Variants in NDE1 observed in about 807,000 individuals in gnomAD.
NDE1 encodes nuclear distribution protein nudE homolog 1.
In NDE1, 28 loss-of-function variants were observed where a neutral mutation model predicts 43.4. The observed-to-expected ratio is 0.65, with a 90% CI of 0.48 to 0.89. The LOEUF is 0.89. Among genes scored for constraint, NDE1 ranks in the 40% least tolerant of loss-of-function variants. The probability of loss-of-function intolerance (pLI) is 0.00; values close to 1 mark genes in which losing one functional copy is unlikely to be tolerated. For synonymous variants in NDE1, 184 were observed against 172.0 expected (o/e 1.07, Z -0.55); for missense variants, 441 against 434.1 (o/e 1.02, Z -0.14).
At chr16:15,658,150 G>A (rs2036862864) in intron 1 of NDE1, among the ~76,000 whole-genome samples, 1 of 152,164 alleles carries the variant, frequency 6.6e-6, no homozygotes, top group Admixed American at 6.6e-5. Flanking sequence ...CCTTGTGATA[G>A]CAAGATGACC....
At chr16:15,700,557 T>C (rs1338140651) in intron 8 of NDE1, 2 of 152,012 alleles carry the variant, frequency 1.3e-5, no homozygotes, top group Non-Finnish European at 2.9e-5. Flanking sequence ...GTTCAAGCGA[T>C]TCTCTTATCT....
At chr16:15,681,952 A>G (rs1308951878) in intron 4 of NDE1, among the ~76,000 whole-genome samples, 1 of 152,074 alleles carries the variant, frequency 6.6e-6, no homozygotes, top group Non-Finnish European at 1.5e-5. Flanking sequence ...TTGTAGTCAG[A>G]TTTCTTAGTC....
intron 8 of NDE1, among the ~76,000 whole-genome samples, chr16:15,705,341 TC>T (rs904088074): frequency 2.0e-5 from 3 of 152,102 alleles, no homozygotes; most frequent in Admixed American, 6.6e-5. Flanking sequence ...AATGCTGCCA[TC>T]TCCTCTCTGC....
At chr16:15,679,687 A>G (rs550540738) in intron 4 of NDE1, among the ~76,000 whole-genome samples, 1 of 152,250 alleles carries the variant, frequency 6.6e-6, no homozygotes, top group Admixed American at 6.6e-5. Context: ...CATTTTCTTT[A>G]TACTCCACGC....
In NDE1 at chr16:15,721,003, C is replaced by T. The variant is rs758102556; in HGVS notation, c.948-3188C>T. 5 of 1,614,134 alleles carry T rather than the reference C, an allele frequency of 3.1e-6. No homozygotes were observed. Among genetic ancestry groups the T allele is most frequent in the South Asian group, 1.1e-5 (1 of 91,076 alleles). ...AGCTCTTCCAGCTGCGTCTTCATCTCCTCCATCTGGGTCTCCAGGGCCCGC... is the reference window on the plus strand; with the variant it reads ...AGCTCTTCCAGCTGCGTCTTCATCTTCTCCATCTGGGTCTCCAGGGCCCGC... On this transcript the variant is annotated intron_variant, in intron 8 of 8. Coordinates refer to ENST00000396354, the MANE Select transcript of NDE1 (RefSeq NM_017668.3).
At chr16:15,717,458 C>T (rs530678693) in intron 8 of NDE1, 15 of 1,133,046 alleles carry the variant, frequency 1.3e-5, no homozygotes, top group Middle Eastern at 2.8e-4. Context: ...CCCTTGATCC[C>T]GGGCACCCTG....
intron 5 of NDE1, among the ~76,000 whole-genome samples, chr16:15,688,319 A>G (rs1258352224): frequency 6.6e-6 from 1 of 151,956 alleles, no homozygotes; most frequent in Non-Finnish European, 1.5e-5. Flanking sequence ...TGGCACTTCC[A>G]GAGGTAGAAT....
At chr16:15,649,183 G>C (rs541742433), upstream of NDE1, among the ~76,000 whole-genome samples, 1 of 152,278 alleles carries the variant, frequency 6.6e-6, no homozygotes, top group Admixed American at 6.5e-5. Context: ...GAGACAGAGG[G>C]AGATTTCATC....
chr16:15,658,517 G>C (rs2036884614), intron 1 of NDE1, among the ~76,000 whole-genome samples: 1 of 152,224 alleles, frequency 6.6e-6, no homozygotes, highest in Non-Finnish European at 1.5e-5. Flanking sequence ...GATGATGTCA[G>C]ATCCCTCTGA....
intron 8 of NDE1, chr16:15,719,762 A>C (rs571455140): frequency 3.1e-6 from 5 of 1,612,882 alleles, no homozygotes; most frequent in Middle Eastern, 1.7e-4. Context: ...TACTCCCCCA[A>C]GTTCTGCTGC....
At chr16:15,669,487 G>A (rs1021986494) in intron 3 of NDE1, among the ~76,000 whole-genome samples, 1 of 151,530 alleles carries the variant, frequency 6.6e-6, no homozygotes, top group East Asian at 2.0e-4. Context: ...TCAGCCTCCT[G>A]AGTAGCTGAG....
At chr16:15,718,440 TG>T in intron 8 of NDE1, 1 of 1,559,770 alleles carries the variant, frequency 6.4e-7, no homozygotes. Context: ...AGTGCGTTCC[TG>T]GGGGAAGGGC....
intron 4 of NDE1, among the ~76,000 whole-genome samples, chr16:15,680,456 C>T (rs147638007): frequency 7.9e-5 from 12 of 152,216 alleles, no homozygotes; most frequent in East Asian, 5.8e-4. Flanking sequence ...AGAATTTATA[C>T]GAGGTTTGAT....
intron 3 of NDE1, among the ~76,000 whole-genome samples, chr16:15,674,870 C>A (rs748162340): frequency 6.6e-6 from 1 of 152,098 alleles, no homozygotes; most frequent in Non-Finnish European, 1.5e-5. Context: ...CCATGCCCTG[C>A]TAATTTTTAT....
intron 7 of NDE1, chr16:15,695,632 G>A (rs1048938472): frequency 1.0e-6 from 1 of 985,036 alleles, no homozygotes; most frequent in African/African-American, 1.7e-5. Context: ...TTTTAAAAAT[G>A]ATGCCTAGAA....
rs953639127 is a variant in NDE1 at position 15,725,935 on chromosome 16, T to A, written c.*1684T>A. ...ACATCATCTGGGTACAAGCTCCCCC[T>A]CCAACCCCACTCTGTACTATCTCCC... On this transcript the variant is annotated 3_prime_UTR_variant, in exon 9 of 9. Coordinates refer to ENST00000396354, the MANE Select transcript of NDE1 (RefSeq NM_017668.3). 1 of 369,812 alleles carries A rather than the reference T, an allele frequency of 2.7e-6. No individual in the cohort carries two copies. The highest frequency in any genetic ancestry group is 2.1e-5 in the African/African-American group (1 of 47,770). The allele number at this position is 369,812 out of a possible 1,614,324, so 22.9% of individuals were successfully genotyped here.
chr16:15,664,970 A>T, intron 2 of NDE1, 109 bp downstream of exon 2: 11 of 821,150 alleles, frequency 1.3e-5, no homozygotes, highest in Admixed American at 4.4e-5. Context: ...ATCATAGTGC[A>T]CAGCCGCCTT....
intron 7 of NDE1, chr16:15,695,727 C>G: frequency 1.0e-6 from 1 of 984,628 alleles, no homozygotes; most frequent in Non-Finnish European, 1.2e-6. Flanking sequence ...CAACTCATTT[C>G]TTTTGTTTTT....
intron 8 of NDE1, among the ~76,000 whole-genome samples, chr16:15,697,560 A>G (rs1357304118): frequency 6.6e-6 from 1 of 152,054 alleles, no homozygotes; most frequent in East Asian, 2.0e-4. Context: ...AAAAAATAGA[A>G]AAATGAGCCA....
Sources: gnomAD v4.1 joint callset for allele counts (sites outside exome capture counted in the v4.1 genomes callset) on GRCh38, gnomAD v4.1.1 for gene constraint, MANE v1.5 for transcripts, NCBI Gene and HGNC (gene_info 2026-07-23, HGNC 2026-07-21) for gene names.